AGAP1: variants seen among roughly 807,000 people sequenced by gnomAD.
AGAP1 encodes arf-GAP with GTPase, ANK repeat and PH domain-containing protein 1.
AGAP1 carries 29 observed loss-of-function variants against 105.3 expected under a neutral mutation model. The ratio of observed to expected loss-of-function variants is 0.28; its 90% CI spans 0.21 to 0.38. AGAP1 has a LOEUF of 0.38. Ranked by LOEUF, AGAP1 falls within the 10% of genes least tolerant of loss-of-function variation. The pLI is 1.00. For missense variants in AGAP1, 998 were observed against 1,165.1 expected (o/e 0.86, Z 2.09); for synonymous variants, 509 against 485.9 (o/e 1.05, Z -0.63).
Position 235,900,235 on chromosome 2 carries a change from C to T in AGAP1, c.1156-8503C>T, listed in dbSNP as rs867700137. ...ATATTCCACACATACTCTTCCTTAC[C>T]TCCATGATGGAGTAGTAGACTGATT... is the stretch of plus-strand genomic sequence containing the variant. On this transcript the variant is annotated intron_variant, in intron 10 of 17. Coordinates refer to ENST00000304032, the MANE Select transcript of AGAP1 (RefSeq NM_001037131.3). The surrounding 1 kb of genome is among the most constrained non-coding windows in gnomAD (Gnocchi z 5.5). Among the ~76,000 whole-genome samples the T allele has an allele frequency of 6.6e-6, 1 of 152,342 alleles. No homozygotes were observed. The highest frequency in any genetic ancestry group is 2.1e-4 in the South Asian group (1 of 4,824).
At chr2:235,839,672 A>G (rs984002753) in intron 9 of AGAP1, among the ~76,000 whole-genome samples, 1 of 152,076 alleles carries the variant, frequency 6.6e-6, no homozygotes, top group African/African-American at 2.4e-5. Flanking sequence ...TTGAGAATCC[A>G]TTTTCCCAGC....
rs769889419 is a variant in AGAP1, at chr2:236,051,000, C to CATCA, written c.2114+1720_2114+1723dup. The stretch of plus-strand genomic sequence containing the variant: ...CCTGTCTTTTTTCCAGTGTTACATA[C>CATCA]ATCACATCATTATATTTTAGAGACC... On this transcript the variant is annotated intron_variant, in intron 16 of 17. Coordinates refer to ENST00000304032, the MANE Select transcript of AGAP1 (RefSeq NM_001037131.3). The surrounding 1 kb of genome is among the most constrained non-coding windows in gnomAD (Gnocchi z 4.0). Among the ~76,000 whole-genome samples, 10 of 152,282 alleles carry CATCA rather than the reference C, an allele frequency of 6.6e-5. No homozygotes were observed. Among genetic ancestry groups the CATCA allele is most frequent in the Non-Finnish European group, 1.5e-4 (10 of 68,032 alleles).
rs76952375 is a variant in AGAP1, at chr2:235,848,955, G to C, written c.1051-34390G>C. Among the ~76,000 whole-genome samples the C allele has an allele frequency of 2.3e-3, 348 of 152,246 alleles. 5 individuals carry two copies. The highest frequency in any genetic ancestry group is 0.02 in the Admixed American group (307 of 15,302). On this transcript the variant is annotated intron_variant, in intron 9 of 17. Coordinates refer to ENST00000304032, the MANE Select transcript of AGAP1 (RefSeq NM_001037131.3). Reference sequence around the variant, plus strand: ...CCAAGACTGATTTCCCTGTCCGTCCGTGTGCTTTGGAGGTATCCTGGCCAT... The same window carrying C: ...CCAAGACTGATTTCCCTGTCCGTCCCTGTGCTTTGGAGGTATCCTGGCCAT...
chr2:235,948,190 GT>G (rs2053579902), intron 12 of AGAP1, among the ~76,000 whole-genome samples: 1 of 152,132 alleles, frequency 6.6e-6, no homozygotes, highest in Admixed American at 6.5e-5. Flanking sequence ...TTGTTTGTTT[GT>G]TTTGTCTTAG....
chr2:235,930,843 T>G lies in AGAP1; in HGVS notation c.1403T>G (p.Met468Arg), dbSNP rs757910520. 1 of 1,614,160 alleles carries G rather than the reference T, an allele frequency of 6.2e-7. No individual in the cohort carries two copies. The highest frequency in any genetic ancestry group is 1.1e-5 in the South Asian group (1 of 91,084). ...TCCTTCAACAGCCGACCCGACGGCA[T>G]GCACCAGCGCTCCTACTCAGTCTCC... ...LVSFNSRPDG[M>R]HQRSYSVSSA... The change falls in exon 12 of 18, where the codon ATG becomes AGG. Residue 468 changes from methionine (M) to arginine (R), a missense_variant. Met to Arg is a moderately conservative substitution (Grantham distance 91, BLOSUM62 -1). Around this residue, in one of 3 missense-constraint regions of AGAP1, gnomAD observed 735 missense variants for 833.4 expected, o/e 0.88. Coordinates refer to ENST00000304032, the MANE Select transcript of AGAP1 (RefSeq NM_001037131.3). The surrounding 1 kb of genome is among the most constrained non-coding windows in gnomAD (Gnocchi z 7.9).
rs2051023838 is a variant in AGAP1 at position 235,900,660 on chromosome 2, G to C, written c.1156-8078G>C. 6.6e-6 allele frequency among the ~76,000 whole-genome samples: 1 copy of C among 152,208 alleles called. No homozygotes were observed. Among genetic ancestry groups the C allele is most frequent in the South Asian group, 2.1e-4 (1 of 4,830 alleles). On this transcript the variant is annotated intron_variant, in intron 10 of 17. Coordinates refer to ENST00000304032, the MANE Select transcript of AGAP1 (RefSeq NM_001037131.3). The surrounding 1 kb of genome is among the most constrained non-coding windows in gnomAD (Gnocchi z 5.5). The stretch of plus-strand genomic sequence containing the variant: ...AAAGTATTGTCACCTAGTTGGCATT[G>C]TAATTGTGACTTCAAAAGGCCATTC...
intron 11 of AGAP1, among the ~76,000 whole-genome samples, chr2:235,924,740 G>A (rs1238653683): frequency 6.6e-6 from 1 of 152,158 alleles, no homozygotes; most frequent in Non-Finnish European, 1.5e-5. Context: ...GGAACCCCAA[G>A]CTTAGGAAAC....
rs1447978583 is a variant in AGAP1 at position 236,046,646 on chromosome 2, C to T, written c.1892-2413C>T. The stretch of plus-strand genomic sequence containing the variant: ...GTTGCGTATATAATAATTCAGGAGC[C>T]AGGAAGAGGTGTTAGTGCCTGAGTG... On this transcript the variant is annotated intron_variant, in intron 15 of 17. Transcript: ENST00000304032. The surrounding 1 kb of genome is among the most constrained non-coding windows in gnomAD (Gnocchi z 5.2). 6.6e-6 allele frequency among the ~76,000 whole-genome samples: 1 copy of T among 152,116 alleles called. No homozygotes were observed. Among genetic ancestry groups the T allele is most frequent in the Non-Finnish European group, 1.5e-5 (1 of 68,034 alleles).
At position 236,005,617 on chromosome 2, in the gene AGAP1, T is replaced by A. The variant is rs2056296428; in HGVS notation, c.1646-30944T>A. ...ATTCCATTGTCATGCCTCCTTAGCC[T>A]TCTCTTGGCTGGGACATTTTCTCAG... is the stretch of plus-strand genomic sequence containing the variant. On this transcript the variant is annotated intron_variant, in intron 13 of 17. Coordinates refer to ENST00000304032, the MANE Select transcript of AGAP1 (RefSeq NM_001037131.3). This position sits in a 1 kb window ranked among gnomAD's most constrained non-coding sequence, Gnocchi z 4.1. Among the ~76,000 whole-genome samples, 1 of 152,226 alleles carries A rather than the reference T, an allele frequency of 6.6e-6. No individual in the cohort carries two copies.
rs749694049 is a variant in AGAP1, at chr2:236,123,915, G to T, written c.2371-4G>T. 46 of 1,612,330 alleles carry T rather than the reference G, an allele frequency of 2.9e-5. No individual in the cohort carries two copies. The highest frequency in any genetic ancestry group is 7.7e-5 in the South Asian group (7 of 90,952). ...TACTAATGTGGGCTCCCTTACCTCC[G>T]CAGTACGGAGTGGACGTCACGGCCC... is the stretch of plus-strand genomic sequence containing the variant. On this transcript the variant is annotated splice_polypyrimidine_tract_variant and splice_region_variant and intron_variant, in intron 17 of 17. Transcript: ENST00000304032. This position sits in a 1 kb window ranked among gnomAD's most constrained non-coding sequence, Gnocchi z 4.6.
Position 236,124,326 on chromosome 2 carries a change from C to G in AGAP1, c.*204C>G. On this transcript the variant is annotated 3_prime_UTR_variant, in exon 18 of 18. Coordinates refer to ENST00000304032, the MANE Select transcript of AGAP1 (RefSeq NM_001037131.3). This position sits in a 1 kb window ranked among gnomAD's most constrained non-coding sequence, Gnocchi z 5.1. ...GGGCGAAGAGGCGGCCGGGAGACTGCAGAAGTGGCTCCTTTTCATAAACTC... is the reference window on the plus strand; with the variant it reads ...GGGCGAAGAGGCGGCCGGGAGACTGGAGAAGTGGCTCCTTTTCATAAACTC... The G allele has an allele frequency of 1.6e-6, 1 of 633,084 alleles. No individual in the cohort carries two copies. Among genetic ancestry groups the G allele is most frequent in the Non-Finnish European group, 2.7e-6 (1 of 366,104 alleles). The allele number at this position is 633,084 out of a possible 1,614,324, so 39.2% of individuals were successfully genotyped here.
Position 236,119,694 on chromosome 2 carries a change from G to A in AGAP1, c.2115-498G>A, listed in dbSNP as rs186968786. 2.1e-3 allele frequency among the ~76,000 whole-genome samples: 312 copies of A among 151,728 alleles called. 1 individual carries two copies. The highest frequency in any genetic ancestry group is 7.0e-3 in the African/African-American group (291 of 41,358). ...CTTCCATCGTGCGGTCCGTGCTCTC[G>A]GCCCCGGAGACCGTGCTTCCATCGT... is the stretch of plus-strand genomic sequence containing the variant. On this transcript the variant is annotated intron_variant, in intron 16 of 17. Transcript: ENST00000304032. The surrounding 1 kb of genome is among the most constrained non-coding windows in gnomAD (Gnocchi z 6.6).
At position 235,709,114 on chromosome 2, in the gene AGAP1, GA is replaced by G. The variant is rs946872041; in HGVS notation, c.164-64del. 17 of 1,531,558 alleles carry G rather than the reference GA, an allele frequency of 1.1e-5. No homozygotes were observed. The African/African-American group carries it at 2.3e-4, about 21-fold the overall frequency. 94.9% of individuals were successfully genotyped at this position (1,531,558 alleles called of 1,614,324 possible). A position where few individuals can be genotyped will look rare whatever the true frequency, so the allele number is the denominator to read the frequency against. On this transcript the variant is annotated intron_variant, in intron 1 of 17. Transcript: ENST00000304032. ...CTTCGGATGTGAAAATGGCCCATTG[GA>G]GGCATTTTGACTTGGCCTTTACGTG...
intron 1 of AGAP1, among the ~76,000 whole-genome samples, chr2:235,554,330 A>C (rs1437731934): frequency 1.3e-5 from 2 of 152,208 alleles, no homozygotes; most frequent in African/African-American, 4.8e-5. Flanking sequence ...TGACTGGGCC[A>C]AGTGACATTT....
rs925284017 is a variant in AGAP1, at chr2:235,611,976, A to C, written c.164-97203A>C. Among the ~76,000 whole-genome samples, 4 of 152,212 alleles carry C rather than the reference A, an allele frequency of 2.6e-5. No individual in the cohort carries two copies. Among genetic ancestry groups the C allele is most frequent in the Non-Finnish European group, 4.4e-5 (3 of 68,042 alleles). On this transcript the variant is annotated intron_variant, in intron 1 of 17. Transcript: ENST00000304032. This position sits in a 1 kb window ranked among gnomAD's most constrained non-coding sequence, Gnocchi z 5.0. ...TAGGTGGCGGTCACAAACCCGGCCC[A>C]GCGGCCTCCCTGCTAGGCAGTCCTC...
Position 236,009,251 on chromosome 2 carries a change from G to A in AGAP1, c.1646-27310G>A, listed in dbSNP as rs1489314076. On this transcript the variant is annotated intron_variant, in intron 13 of 17. Coordinates refer to ENST00000304032, the MANE Select transcript of AGAP1 (RefSeq NM_001037131.3). This position sits in a 1 kb window ranked among gnomAD's most constrained non-coding sequence, Gnocchi z 4.2. ...TGTTGAGCAAATGAACGTTCAAATG[G>A]CCAGCACAAAAGAAATCCCCAATCT... 6.6e-6 allele frequency among the ~76,000 whole-genome samples: 1 copy of A among 152,172 alleles called. No individual in the cohort carries two copies. Among genetic ancestry groups the A allele is most frequent in the African/African-American group, 2.4e-5 (1 of 41,446 alleles).
rs778528234 is a variant in AGAP1, at chr2:236,001,169, T to C, written c.1645+32546T>C. Among the ~76,000 whole-genome samples, 5 of 152,026 alleles carry C rather than the reference T, an allele frequency of 3.3e-5. No homozygotes were observed. The highest frequency in any genetic ancestry group is 6.5e-5 in the Admixed American group (1 of 15,274). ...CTGGCGGTGGCTGGGGCAGCGCGGC[T>C]GTGGGGCAGAGAATGCTGAGATAAA... On this transcript the variant is annotated intron_variant, in intron 13 of 17. Coordinates refer to ENST00000304032, the MANE Select transcript of AGAP1 (RefSeq NM_001037131.3). This position sits in a 1 kb window ranked among gnomAD's most constrained non-coding sequence, Gnocchi z 4.7.
chr2:235,745,519 G>A (rs1287092904), intron 5 of AGAP1, among the ~76,000 whole-genome samples: 1 of 152,216 alleles, frequency 6.6e-6, no homozygotes, highest in Non-Finnish European at 1.5e-5. Context: ...CACGTAGGAT[G>A]TTTGTAAAAG....
chr2:236,118,179 G>A (rs2059816123), intron 16 of AGAP1, among the ~76,000 whole-genome samples: 2 of 152,126 alleles, frequency 1.3e-5, no homozygotes, highest in African/African-American at 4.8e-5. Context: ...TTCGGAAGCA[G>A]AAATGTCATG....
Sources: gnomAD v4.1 joint callset for allele counts (sites outside exome capture counted in the v4.1 genomes callset) on GRCh38, gnomAD v4.1.1 for gene constraint, gnomAD v4.1.1 regional missense constraint, Gnocchi (gnomAD v3.1) non-coding constraint, MANE v1.5 for transcripts, NCBI Gene and HGNC (gene_info 2026-07-23, HGNC 2026-07-21) for gene names.